Variants in PTN observed in about 807,000 individuals in gnomAD.
PTN encodes pleiotrophin, also known as heparin affin regulatory protein.
PTN carries 18 observed loss-of-function variants against 24.1 expected under a neutral mutation model. That is an observed-to-expected ratio of 0.75 (90% CI 0.52 to 1.11). PTN has a LOEUF of 1.11. Among genes scored for constraint, PTN ranks in the 50% least tolerant of loss-of-function variants. The probability of loss-of-function intolerance (pLI) is 0.00; values close to 1 mark genes in which losing one functional copy is unlikely to be tolerated. For synonymous variants in PTN, 78 were observed against 68.6 expected (o/e 1.14, Z -0.67); for missense variants, 163 against 198.8 (o/e 0.82, Z 1.08).
rs779435334 is a variant in PTN, at chr7:137,253,641, A to T, written c.116-4T>A. 6.5e-7 allele frequency: 1 copy of T among 1,538,210 alleles called. No individual in the cohort carries two copies. Among genetic ancestry groups the T allele is most frequent in the Non-Finnish European group, 8.8e-7 (1 of 1,136,302 alleles). On this transcript the variant is annotated splice_region_variant and splice_polypyrimidine_tract_variant and intron_variant, in intron 2 of 4. Transcript: ENST00000348225. ...TCAGACTTCTTCACTTTTTTTTCTG[A>T]ATGAAAGGAGGAAAACCTAATCAAC...
At chr7:137,247,213 C>T (rs997715928) in intron 4 of PTN, among the ~76,000 whole-genome samples, 2 of 152,172 alleles carry the variant, frequency 1.3e-5, no homozygotes, top group Non-Finnish European at 2.9e-5. Flanking sequence ...GATATCTGTA[C>T]CCCTATGTTT....
At chr7:137,240,883 T>C (rs1034213968) in intron 4 of PTN, among the ~76,000 whole-genome samples, 1 of 152,202 alleles carries the variant, frequency 6.6e-6, no homozygotes, top group Admixed American at 6.5e-5. Context: ...CCTCTGCATA[T>C]TAGTGGTATA....
At chr7:137,302,748 C>T (rs1809826426) in intron 1 of PTN, among the ~76,000 whole-genome samples, 1 of 151,936 alleles carries the variant, frequency 6.6e-6, no homozygotes, top group South Asian at 2.1e-4. Context: ...AAGGCATTTA[C>T]ATTTGAATTG....
At chr7:137,258,127 C>T (rs1808968042) in intron 1 of PTN, among the ~76,000 whole-genome samples, 1 of 152,016 alleles carries the variant, frequency 6.6e-6, no homozygotes, top group Non-Finnish European at 1.5e-5. Flanking sequence ...GTTCTATTCA[C>T]TGATTTCAAG....
chr7:137,340,702 C>A (rs1196504168), intron 1 of PTN, among the ~76,000 whole-genome samples: 1 of 152,168 alleles, frequency 6.6e-6, no homozygotes, highest in Non-Finnish European at 1.5e-5. Context: ...CATTCCTCAC[C>A]CTTATGGAGA....
intron 1 of PTN, among the ~76,000 whole-genome samples, chr7:137,296,689 G>A (rs1332891043): frequency 6.6e-6 from 1 of 152,106 alleles, no homozygotes; most frequent in East Asian, 1.9e-4. Flanking sequence ...TGCATAAGTT[G>A]AAGCTTGTTG....
chr7:137,340,132 G>A (rs1810511291), intron 1 of PTN, among the ~76,000 whole-genome samples: 2 of 152,062 alleles, frequency 1.3e-5, no homozygotes, highest in Admixed American at 1.3e-4. Flanking sequence ...CTAGAAAAAT[G>A]AATTAAATTT....
intron 1 of PTN, among the ~76,000 whole-genome samples, chr7:137,315,723 G>A (rs1291419354): frequency 6.6e-6 from 1 of 152,082 alleles, no homozygotes; most frequent in Non-Finnish European, 1.5e-5. Flanking sequence ...GCTCTGGCAG[G>A]GTCACATGGC....
At chr7:137,305,916 T>C (rs1294909470) in intron 1 of PTN, among the ~76,000 whole-genome samples, 1 of 152,096 alleles carries the variant, frequency 6.6e-6, no homozygotes, top group Non-Finnish European at 1.5e-5. Flanking sequence ...GTCACTATAA[T>C]AAGAAGGAAA....
intron 3 of PTN, among the ~76,000 whole-genome samples, chr7:137,251,668 T>G (rs1396987365): frequency 6.7e-6 from 1 of 149,242 alleles, no homozygotes; most frequent in Non-Finnish European, 1.5e-5. Flanking sequence ...TCATTCTTTA[T>G]AGTCATGGCC....
intron 1 of PTN, among the ~76,000 whole-genome samples, chr7:137,286,856 C>A (rs1252747239): frequency 6.6e-6 from 1 of 152,078 alleles, no homozygotes; most frequent in Non-Finnish European, 1.5e-5. Flanking sequence ...AATTTTCAGC[C>A]CCCAACTGCT....
In PTN at chr7:137,278,945, C is replaced by CAACAATAATAAT. The variant is rs564080554; in HGVS notation, c.-1-23972_-1-23971insATTATTATTGTT. Among the ~76,000 whole-genome samples the CAACAATAATAAT allele has an allele frequency of 4.5e-5, 6 of 134,286 alleles. No homozygotes were observed. In the East Asian group the frequency reaches 8.4e-4, roughly 19 times the overall value. The allele number at this position is 134,286 out of a possible 152,430, so 88.1% of individuals were successfully genotyped here. A position where few individuals can be genotyped will look rare whatever the true frequency, so the allele number is the denominator to read the frequency against. On this transcript the variant is annotated intron_variant, in intron 1 of 4. Coordinates refer to ENST00000348225, the MANE Select transcript of PTN (RefSeq NM_002825.7). ...GACAAAGTGAGACTCCATCTCAGAA[C>CAACAATAATAAT]AATAATAATAATAATAATAATAATA...
chr7:137,316,738 G>C (rs1463220287), intron 1 of PTN, among the ~76,000 whole-genome samples: 1 of 152,184 alleles, frequency 6.6e-6, no homozygotes, highest in African/African-American at 2.4e-5. Flanking sequence ...TTGGGTTGCA[G>C]ACTGGGCTGC....
At chr7:137,244,063 T>A (rs1026815964) in intron 4 of PTN, among the ~76,000 whole-genome samples, 2 of 152,160 alleles carry the variant, frequency 1.3e-5, no homozygotes, top group Non-Finnish European at 2.9e-5. Flanking sequence ...ACAGATACAA[T>A]GTTTTAACTA....
intron 1 of PTN, among the ~76,000 whole-genome samples, chr7:137,323,303 C>T (rs141305771): frequency 7.9e-5 from 12 of 152,136 alleles, no homozygotes; most frequent in African/African-American, 2.7e-4. Context: ...TTATGTATGT[C>T]GTGATTTGTA....
At chr7:137,236,870 T>C (rs1465163938) in intron 4 of PTN, among the ~76,000 whole-genome samples, 3 of 152,128 alleles carry the variant, frequency 2.0e-5, no homozygotes, top group African/African-American at 4.8e-5. Flanking sequence ...TAATGTTTAA[T>C]ATAATATAGC....
intron 1 of PTN, among the ~76,000 whole-genome samples, chr7:137,310,390 GTTTTTTTTTTTTTGT>G (rs1398395478): frequency 8.0e-5 from 11 of 137,204 alleles, no homozygotes; most frequent in Non-Finnish European, 1.7e-4. Context: ...AAGTTACCAT[GTTTTTTTTTTTTTGT>G]TTTTTTTTTT....
chr7:137,318,589 A>T (rs897522575), intron 1 of PTN: 1 of 152,168 alleles, frequency 6.6e-6, no homozygotes, highest in African/African-American at 2.4e-5. Context: ...GAGACAAGTA[A>T]ATGTGTATGC....
At chr7:137,288,598 C>T (rs1809593484) in intron 1 of PTN, among the ~76,000 whole-genome samples, 2 of 151,784 alleles carry the variant, frequency 1.3e-5, no homozygotes, top group African/African-American at 4.8e-5. Flanking sequence ...AGCATTGGGA[C>T]CTTAAAATCA....
Sources: allele counts gnomAD v4.1 joint callset (sites outside exome capture counted in the v4.1 genomes callset), GRCh38; gene constraint gnomAD v4.1.1; transcripts MANE v1.5; gene names NCBI Gene and HGNC (gene_info 2026-07-23, HGNC 2026-07-21).